Variants in GNAQ observed in about 807,000 individuals in gnomAD.
GNAQ encodes the protein G protein subunit alpha q.
Under a neutral mutation model 43.9 loss-of-function variants are expected in GNAQ, and 8 were observed. That is an observed-to-expected ratio of 0.18 (90% confidence interval 0.11 to 0.33). GNAQ has a LOEUF of 0.33. Among genes scored for constraint, GNAQ ranks in the 10% least tolerant of loss-of-function variants. The probability of loss-of-function intolerance (pLI) is 1.00; values close to 1 mark genes in which losing one functional copy is unlikely to be tolerated. For synonymous variants in GNAQ, 155 were observed against 170.7 expected (o/e 0.91, Z 0.71); for missense variants, 158 against 450.8 (o/e 0.35, Z 5.88).
intron 4 of GNAQ, among the ~76,000 whole-genome samples, chr9:77,795,681 T>A (rs1587919970): frequency 6.6e-6 from 1 of 152,144 alleles, no homozygotes. Context: ...ACTATGGACA[T>A]CAAAGCCAGA....
intron 1 of GNAQ, among the ~76,000 whole-genome samples, chr9:77,991,974 G>T (rs1823513570): frequency 6.6e-6 from 1 of 152,142 alleles, no homozygotes; most frequent in South Asian, 2.1e-4. Context: ...TTAGCTAATG[G>T]GCATTAAGGC....
chr9:77,939,911 T>C (rs970475153), intron 1 of GNAQ, among the ~76,000 whole-genome samples: 3 of 152,202 alleles, frequency 2.0e-5, no homozygotes, highest in African/African-American at 7.2e-5. Context: ...GTAGTTCTGA[T>C]TGGGTTACCT....
chr9:77,821,724 GGTGTGTGTGTGTGTGTGTGT>G (rs1554718670), intron 2 of GNAQ, among the ~76,000 whole-genome samples: 1 of 142,308 alleles, frequency 7.0e-6, no homozygotes. Context: ...TCCTAGTATG[GGTGTGTGTGTGTGTGTGTGT>G]GTGTGTGTGT....
chr9:77,873,593 G>A (rs557185205), intron 2 of GNAQ, among the ~76,000 whole-genome samples: 2 of 152,310 alleles, frequency 1.3e-5, no homozygotes, highest in South Asian at 2.1e-4. Context: ...GGGGGAGGAA[G>A]GGATGGGAAA....
intron 2 of GNAQ, among the ~76,000 whole-genome samples, chr9:77,880,129 T>G (rs1231330611): frequency 6.6e-6 from 1 of 152,176 alleles, no homozygotes; most frequent in Non-Finnish European, 1.5e-5. Flanking sequence ...CAAGGAAGCT[T>G]GATGGCAATA....
chr9:77,795,108 C>A (rs1430554628), intron 4 of GNAQ, among the ~76,000 whole-genome samples: 1 of 152,152 alleles, frequency 6.6e-6, no homozygotes, highest in Non-Finnish European at 1.5e-5. Flanking sequence ...CGACCCCACT[C>A]ATCCTTTATC....
At chr9:78,004,665 C>A (rs1458874994) in intron 1 of GNAQ, among the ~76,000 whole-genome samples, 2 of 152,058 alleles carry the variant, frequency 1.3e-5, no homozygotes, top group African/African-American at 2.4e-5. Flanking sequence ...CTGCACATAT[C>A]AAAAAAACTC....
chr9:77,810,311 T>G (rs1826900771), intron 3 of GNAQ, among the ~76,000 whole-genome samples: 1 of 152,110 alleles, frequency 6.6e-6, no homozygotes, highest in African/African-American at 2.4e-5. Context: ...TTTCAGTGGT[T>G]AAAAGCTTGG....
chr9:77,826,594 G>T (rs1384325176), intron 2 of GNAQ, among the ~76,000 whole-genome samples: 3 of 152,184 alleles, frequency 2.0e-5, no homozygotes, highest in Admixed American at 2.0e-4. Flanking sequence ...GTTGTCAGGG[G>T]TGGTCATATG....
intron 2 of GNAQ, among the ~76,000 whole-genome samples, chr9:77,863,220 G>GGGAGGA (rs1564133751): frequency 2.9e-5 from 1 of 34,264 alleles, no homozygotes; most frequent in African/African-American, 5.7e-5. Flanking sequence ...GGAAGGAAGG[G>GGGAGGA]AGGAAGGAAG....
In GNAQ at chr9:77,889,410, C is replaced by CAAAAAAAAAAAAAAAA. The variant is rs58496646; in HGVS notation, c.321+32735_321+32750dup. 6.9e-4 allele frequency among the ~76,000 whole-genome samples: 33 copies of CAAAAAAAAAAAAAAAA among 48,064 alleles called. 3 individuals are homozygous for CAAAAAAAAAAAAAAAA. The highest frequency in any genetic ancestry group is 2.2e-3 in the East Asian group (2 of 900). The allele number at this position is 48,064 out of a possible 152,430, so 31.5% of individuals were successfully genotyped here. A position where few individuals can be genotyped will look rare whatever the true frequency, so the allele number is the denominator to read the frequency against. On this transcript the variant is annotated intron_variant, in intron 2 of 6. Transcript: ENST00000286548. ...TGGGCGACAAAGCCAGACCCTGTCT[C>CAAAAAAAAAAAAAAAA]AAAAAAAAAAAAAAAAAAAAAAAAA...
chr9:77,912,678 C>T (rs1037199326), intron 2 of GNAQ, among the ~76,000 whole-genome samples: 1 of 151,762 alleles, frequency 6.6e-6, no homozygotes, highest in African/African-American at 2.4e-5. Flanking sequence ...GGAACTCCTA[C>T]AAAACAATGA....
rs1217742663 is a variant in GNAQ, at chr9:77,719,672, A to G, written c.*1651T>C. The G allele has an allele frequency of 4.3e-6, 1 of 232,768 alleles. No homozygotes were observed. Among genetic ancestry groups the G allele is most frequent in the Non-Finnish European group, 8.5e-6 (1 of 117,808 alleles). The allele number at this position is 232,768 out of a possible 1,614,324, so 14.4% of individuals were successfully genotyped here. A position where few individuals can be genotyped will look rare whatever the true frequency, so the allele number is the denominator to read the frequency against. On this transcript the variant is annotated 3_prime_UTR_variant, in exon 7 of 7. Transcript: ENST00000286548. ...GTCCCAGCAGCTTTGAACAATCATG[A>G]TTTATTTTCTTAAATCAAATTTCAA...
intron 2 of GNAQ, among the ~76,000 whole-genome samples, chr9:77,906,297 A>C (rs868352271): frequency 2.6e-5 from 4 of 152,186 alleles, no homozygotes; most frequent in Admixed American, 6.5e-5. Context: ...ATGTAGATTA[A>C]AGTATCACTT....
intron 1 of GNAQ, among the ~76,000 whole-genome samples, chr9:77,991,903 C>G (rs1823512495): frequency 6.6e-6 from 1 of 152,198 alleles, no homozygotes; most frequent in South Asian, 2.1e-4. Context: ...TTACTTTGTT[C>G]CATTTTATGG....
intron 2 of GNAQ, among the ~76,000 whole-genome samples, chr9:77,916,603 A>G (rs1828909749): frequency 6.6e-6 from 1 of 152,186 alleles, no homozygotes; most frequent in African/African-American, 2.4e-5. Context: ...AAGGCACTGT[A>G]GCAATACATC....
rs976580163 is a variant in GNAQ at position 77,792,744 on chromosome 9, C to G, written c.735+1719G>C. Among the ~76,000 whole-genome samples the G allele has an allele frequency of 2.0e-5, 3 of 152,102 alleles. No homozygotes were observed. In the East Asian group the frequency reaches 5.8e-4, roughly 29 times the overall value. ...TGTATTGATAAACACTTGTCCTCCT[C>G]TAGCTATAATGTAAACATCAGAAAT... On this transcript the variant is annotated intron_variant, in intron 5 of 6. Coordinates refer to ENST00000286548, the MANE Select transcript of GNAQ (RefSeq NM_002072.5).
At chr9:77,841,963 T>A (rs1447693885) in intron 2 of GNAQ, among the ~76,000 whole-genome samples, 1 of 152,242 alleles carries the variant, frequency 6.6e-6, no homozygotes. Context: ...AAATTTTGTA[T>A]GATCTATGCC....
chr9:77,755,085 T>C (rs965404971), intron 5 of GNAQ, among the ~76,000 whole-genome samples: 1 of 152,132 alleles, frequency 6.6e-6, no homozygotes, highest in Non-Finnish European at 1.5e-5. Context: ...TGCAACAACA[T>C]GGATGGAACT....
Sources: gnomAD v4.1 joint callset for allele counts (sites outside exome capture counted in the v4.1 genomes callset) on GRCh38, gnomAD v4.1.1 for gene constraint, MANE v1.5 for transcripts, NCBI Gene and HGNC (gene_info 2026-07-23, HGNC 2026-07-21) for gene names.